SMYD3: variants seen among roughly 807,000 people sequenced by gnomAD.
SMYD3 encodes SET and MYND domain containing 3, also known as histone-lysine N-methyltransferase SMYD3.
A neutral mutation model predicts 57.7 loss-of-function variants in SMYD3; 36 were observed. The ratio of observed to expected loss-of-function variants is 0.62; its 90% CI spans 0.48 to 0.82. SMYD3 has a LOEUF of 0.82. Ranked by LOEUF, SMYD3 falls within the 40% of genes least tolerant of loss-of-function variation. SMYD3 has a pLI of 0.00. For synonymous variants in SMYD3, 211 were observed against 195.0 expected, an observed-to-expected ratio of 1.08 and a Z score of -0.68; for missense variants, 515 against 538.8, an observed-to-expected ratio of 0.96 and a Z score of 0.44.
chr1:246,222,890 C>T (rs1026292881), intron 5 of SMYD3, among the ~76,000 whole-genome samples: 1 of 152,096 alleles, frequency 6.6e-6, no homozygotes, highest in African/African-American at 2.4e-5. Context: ...GATGCTAAAT[C>T]GTATGTGCTC....
intron 5 of SMYD3, among the ~76,000 whole-genome samples, chr1:246,041,285 C>T (rs2059867643): frequency 6.6e-6 from 1 of 152,140 alleles, no homozygotes; most frequent in Non-Finnish European, 1.5e-5. Flanking sequence ...AAGCAACACA[C>T]GCTGGACCCA....
chr1:246,042,191 A>G (rs1328492061), intron 5 of SMYD3, among the ~76,000 whole-genome samples: 5 of 152,144 alleles, frequency 3.3e-5, no homozygotes, highest in Non-Finnish European at 5.9e-5. Context: ...TCTAAATTCT[A>G]CCTTTATATA....
At chr1:246,021,407 C>T (rs1389422971) in intron 5 of SMYD3, among the ~76,000 whole-genome samples, 5 of 152,166 alleles carry the variant, frequency 3.3e-5, no homozygotes, top group African/African-American at 1.2e-4. Flanking sequence ...ACCCACACTG[C>T]GCCACAGAGC....
chr1:245,870,849 C>T (rs371349392), intron 8 of SMYD3, among the ~76,000 whole-genome samples: 3 of 152,290 alleles, frequency 2.0e-5, no homozygotes, highest in African/African-American at 7.2e-5. Context: ...ACGAATCCAT[C>T]CAGACCCACC....
intron 5 of SMYD3, among the ~76,000 whole-genome samples, chr1:246,057,183 A>T (rs975213795): frequency 1.3e-5 from 2 of 152,242 alleles, no homozygotes; most frequent in African/African-American, 4.8e-5. Context: ...TGATGATTAA[A>T]TAATGGATGT....
intron 11 of SMYD3, among the ~76,000 whole-genome samples, chr1:245,759,629 T>C (rs970976171): frequency 2.0e-5 from 3 of 152,188 alleles, no homozygotes; most frequent in Admixed American, 6.5e-5. Context: ...GATGCAGGAA[T>C]ACAAGGAGCA....
intron 6 of SMYD3, among the ~76,000 whole-genome samples, chr1:245,929,102 G>A (rs758219932): frequency 6.6e-6 from 1 of 152,198 alleles, no homozygotes; most frequent in African/African-American, 2.4e-5. Context: ...ACTTGCTCAA[G>A]GACATACAGC....
chr1:245,803,013 A>G (rs1303573107), intron 10 of SMYD3, among the ~76,000 whole-genome samples: 2 of 152,258 alleles, frequency 1.3e-5, no homozygotes, highest in African/African-American at 2.4e-5. Context: ...CAAAACTGCC[A>G]GAAATGAGTT....
intron 5 of SMYD3, among the ~76,000 whole-genome samples, chr1:245,986,992 T>G (rs2058718183): frequency 6.6e-6 from 1 of 152,234 alleles, no homozygotes; most frequent in African/African-American, 2.4e-5. Flanking sequence ...GGCTCTCTGC[T>G]GGAGAGCATA....
chr1:246,284,966 T>A (rs1240042580), intron 5 of SMYD3, among the ~76,000 whole-genome samples: 2 of 151,754 alleles, frequency 1.3e-5, no homozygotes, highest in Non-Finnish European at 2.9e-5. Context: ...GCCTTTCCTT[T>A]TTTTTTTTTA....
chr1:246,213,117 C>T (rs1162764974), intron 5 of SMYD3, among the ~76,000 whole-genome samples: 1 of 152,128 alleles, frequency 6.6e-6, no homozygotes, highest in Non-Finnish European at 1.5e-5. Flanking sequence ...TAAAAGAATT[C>T]TGTCAAGGGA....
intron 11 of SMYD3, among the ~76,000 whole-genome samples, chr1:245,763,403 C>A (rs912415533): frequency 3.9e-5 from 6 of 152,114 alleles, no homozygotes; most frequent in African/African-American, 1.4e-4. Context: ...AGGGGTAGGA[C>A]CACAAAGTAA....
At chr1:246,418,509 G>A (rs2067096800) in intron 1 of SMYD3, among the ~76,000 whole-genome samples, 1 of 152,178 alleles carries the variant, frequency 6.6e-6, no homozygotes, top group African/African-American at 2.4e-5. Flanking sequence ...GGCAGCTTGT[G>A]TTAGTCAGCT....
Position 245,881,569 on chromosome 1 carries a change from C to T in SMYD3, c.814-17683G>A, listed in dbSNP as rs78559741. 3.0e-3 allele frequency among the ~76,000 whole-genome samples: 457 copies of T among 152,160 alleles called. 5 individuals are homozygous for T. The East Asian group carries it at 0.037, about 12-fold the overall frequency. On this transcript the variant is annotated intron_variant, in intron 8 of 11. Coordinates refer to ENST00000490107, the MANE Select transcript of SMYD3 (RefSeq NM_001167740.2). ...CAGTATTTATTCACATATTCACTTG[C>T]GCAACACAAATTTATTAGGCACTGT...
At chr1:246,124,967 A>G (rs998169712) in intron 5 of SMYD3, among the ~76,000 whole-genome samples, 10 of 151,928 alleles carry the variant, frequency 6.6e-5, no homozygotes, top group East Asian at 3.9e-4. Flanking sequence ...AGCTACTGGG[A>G]AGGCTGAGGC....
intron 5 of SMYD3, among the ~76,000 whole-genome samples, chr1:246,072,314 G>A (rs75464923): frequency 9.9e-5 from 14 of 141,842 alleles, no homozygotes; most frequent in Admixed American, 2.1e-4. Flanking sequence ...GGAGGGATTC[G>A]TGTGCTTTCC....
intron 10 of SMYD3, among the ~76,000 whole-genome samples, chr1:245,849,959 C>G (rs2050876839): frequency 1.7e-5 from 1 of 58,158 alleles, no homozygotes; most frequent in African/African-American, 3.3e-5. Flanking sequence ...GGCCTATTCA[C>G]TGTCTTGATG....
At chr1:246,084,002 C>T (rs1429770281) in intron 5 of SMYD3, among the ~76,000 whole-genome samples, 3 of 151,858 alleles carry the variant, frequency 2.0e-5, no homozygotes, top group African/African-American at 7.3e-5. Context: ...ACAGGCCCAC[C>T]CAAGGATTTT....
Position 245,924,661 on chromosome 1 carries a change from T to G in SMYD3, c.702+3270A>C, listed in dbSNP as rs2056238008. ...GTCTGAGACTCTATTCCAGCTTTTT[T>G]TTTTTTTTTTTTTTTTTCTGAGATG... is the stretch of plus-strand genomic sequence containing the variant. On this transcript the variant is annotated intron_variant, in intron 7 of 11. Transcript: ENST00000490107. Among the ~76,000 whole-genome samples, 7 of 145,836 alleles carry G rather than the reference T, an allele frequency of 4.8e-5. No homozygotes were observed. In the South Asian group the frequency reaches 1.6e-3, roughly 33 times the overall value.
Sources: allele counts gnomAD v4.1 joint callset (sites outside exome capture counted in the v4.1 genomes callset), GRCh38; gene constraint gnomAD v4.1.1; transcripts MANE v1.5; gene names NCBI Gene and HGNC (gene_info 2026-07-23, HGNC 2026-07-21).